The following NDRG2 variants were observed in gnomAD, a reference collection of about 807,000 sequenced individuals.
NDRG2 encodes NDRG family member 2.
In NDRG2, 34 loss-of-function variants were observed where a neutral mutation model predicts 58.2. That is an observed-to-expected ratio of 0.58 (90% CI 0.44 to 0.78). The LOEUF (loss-of-function observed/expected upper bound fraction) is 0.78. NDRG2 is among the 30% of genes least tolerant of loss of function. The pLI, the probability that NDRG2 is intolerant of heterozygous loss-of-function variation, is 0.00. For synonymous variants in NDRG2, 187 were observed against 175.9 expected, an observed-to-expected ratio of 1.06 and a Z score of -0.50; for missense variants, 434 against 471.2, an observed-to-expected ratio of 0.92 and a Z score of 0.73.
In NDRG2 at chr14:21,070,756, C is replaced by T; in HGVS notation, c.24+72G>A. 1 of 1,496,760 alleles carries T rather than the reference C, an allele frequency of 6.7e-7. No individual in the cohort carries two copies. The highest frequency in any genetic ancestry group is 1.2e-5 in the South Asian group (1 of 83,124). 92.7% of individuals were successfully genotyped at this position (1,496,760 alleles called of 1,614,324 possible). On this transcript the variant is annotated intron_variant, in intron 1 of 14. Coordinates refer to the NDRG2 transcript ENST00000403829. This position sits in a 1 kb window ranked among gnomAD's most constrained non-coding sequence, Gnocchi z 4.7. ...CCTCCTGGTCCGAGCTCCTTACCCGCGGGAGACCCCTGCGGGTTGGTCCTG... is the reference window on the plus strand; with the variant it reads ...CCTCCTGGTCCGAGCTCCTTACCCGTGGGAGACCCCTGCGGGTTGGTCCTG...
At chr14:21,030,314 A>G, upstream of NDRG2, 1 of 445,810 alleles carries the variant, frequency 2.2e-6, no homozygotes, top group Non-Finnish European at 4.1e-6. Context: ...GGTACATAAA[A>G]GAGGTAGGGG....
intron 1 of NDRG2, among the ~76,000 whole-genome samples, chr14:21,053,207 G>A (rs892263744): frequency 6.6e-6 from 1 of 152,198 alleles, no homozygotes; most frequent in African/African-American, 2.4e-5. Flanking sequence ...TTATTGCCAG[G>A]TGCATTGGCT....
intron 8 of NDRG2, chr14:21,020,256 T>A: frequency 1.9e-6 from 1 of 538,274 alleles, no homozygotes; most frequent in African/African-American, 2.0e-5. Context: ...ATCAAGCCAC[T>A]GCACTCCAGC....
intron 1 of NDRG2, among the ~76,000 whole-genome samples, chr14:21,046,259 C>T (rs539324211): frequency 6.6e-6 from 1 of 152,300 alleles, no homozygotes; most frequent in South Asian, 2.1e-4. Flanking sequence ...CACAGTGGCT[C>T]TCACTTGTAA....
chr14:21,017,358 G>A lies in NDRG2; in HGVS notation c.*238C>T, dbSNP rs774622556. The A allele has an allele frequency of 7.0e-6, 4 of 570,588 alleles. No homozygotes were observed. Among genetic ancestry groups the A allele is most frequent in the Non-Finnish European group, 9.4e-6 (3 of 320,068 alleles). The allele number at this position is 570,588 out of a possible 1,614,324, so 35.3% of individuals were successfully genotyped here. On this transcript the variant is annotated 3_prime_UTR_variant, in exon 16 of 16. Coordinates refer to ENST00000556147, the MANE Select transcript of NDRG2 (RefSeq NM_001320329.2). ...TCTCCACCTTAACATCAAAATGGGG[G>A]AGGAGGAGAATTTAGGGGTCTGGGT... is the stretch of plus-strand genomic sequence containing the variant.
rs912898141 is a variant in NDRG2 at position 21,024,776 on chromosome 14, T to A, written c.-753A>T. 1.1e-4 allele frequency: 112 copies of A among 985,376 alleles called. No homozygotes were observed. Among genetic ancestry groups the A allele is most frequent in the Non-Finnish European group, 1.1e-4 (93 of 830,050 alleles). The allele number at this position is 985,376 out of a possible 1,614,324, so 61.0% of individuals were successfully genotyped here. A position where few individuals can be genotyped will look rare whatever the true frequency, so the allele number is the denominator to read the frequency against. ...TCCCTACGAGTCCCTACGCAGCCCG[T>A]CCGCGTGGAGACTGACACCCTTGCG... On this transcript the variant is annotated 5_prime_UTR_variant, in exon 1 of 16. Coordinates refer to ENST00000556147, the MANE Select transcript of NDRG2 (RefSeq NM_001320329.2).
intron 1 of NDRG2, among the ~76,000 whole-genome samples, chr14:21,057,156 C>T (rs948622389): frequency 2.0e-5 from 3 of 152,152 alleles, no homozygotes; most frequent in Non-Finnish European, 4.4e-5. Context: ...TTCTCTTAAC[C>T]GGGCGCGGTG....
intron 1 of NDRG2, chr14:21,032,762 A>G (rs1418276920): frequency 2.7e-6 from 1 of 365,264 alleles, no homozygotes; most frequent in Non-Finnish European, 5.3e-6. Flanking sequence ...CAGGATTCCA[A>G]GAGCAGGAGT....
chr14:21,043,437 C>T lies in NDRG2; in HGVS notation c.25-20116G>A, dbSNP rs1409975858. The T allele has an allele frequency of 3.1e-6, 5 of 1,604,294 alleles. No individual in the cohort carries two copies. The East Asian group carries it at 1.1e-4, about 36-fold the overall frequency. ...GGACTCTCAGCAATTCCACCTGGTT[C>T]CTGTACACTTGGACAGAGTCCTTTA... On this transcript the variant is annotated intron_variant, in intron 1 of 14. Transcript: ENST00000403829.
intron 13 of NDRG2, 55 bp downstream of exon 13, chr14:21,018,402 T>G: frequency 6.2e-7 from 1 of 1,611,404 alleles, no homozygotes; most frequent in Non-Finnish European, 8.5e-7. Context: ...GCTTAGCAGC[T>G]GCATGTAGAG....
chr14:21,053,803 T>C (rs2139140932), intron 1 of NDRG2, among the ~76,000 whole-genome samples: 2 of 151,448 alleles, frequency 1.3e-5, no homozygotes, highest in African/African-American at 4.8e-5. Context: ...GACCCTGCCT[T>C]AAAAAAGAAA....
chr14:21,019,914 A>G lies in NDRG2; in HGVS notation c.612+6T>C, dbSNP rs774087789. On this transcript the variant is annotated splice_donor_region_variant and intron_variant, in intron 9 of 15. Coordinates refer to ENST00000556147, the MANE Select transcript of NDRG2 (RefSeq NM_001320329.2). ...CGACTCTTCTACATCTCCTACACCC[A>G]CTTACCTGGCTGAAAAGATGTCCAA... 1.9e-6 allele frequency: 3 copies of G among 1,613,976 alleles called. No homozygotes were observed. In the East Asian group the frequency reaches 6.7e-5, roughly 36 times the overall value.
chr14:21,057,124 A>G lies in NDRG2; in HGVS notation c.24+13704T>C, dbSNP rs113846390. Reference sequence around the variant, plus strand: ...GCAGAGTGGGGTATTGACCTTTCACATGTTTTTCTTCAAGATTTAGTTTCT... The same window carrying G: ...GCAGAGTGGGGTATTGACCTTTCACGTGTTTTTCTTCAAGATTTAGTTTCT... On this transcript the variant is annotated intron_variant, in intron 1 of 14. Transcript: ENST00000403829. 8.0e-4 allele frequency among the ~76,000 whole-genome samples: 122 copies of G among 152,224 alleles called. 1 individual carries two copies. Among genetic ancestry groups the G allele is most frequent in the Non-Finnish European group, 1.6e-3 (106 of 68,018 alleles).
At position 21,058,306 on chromosome 14, in the gene NDRG2, G is replaced by A. The variant is rs560268253; in HGVS notation, c.24+12522C>T. On this transcript the variant is annotated intron_variant, in intron 1 of 14. Coordinates refer to the NDRG2 transcript ENST00000403829. ...TAGTGGCCTGTGACCCTCCACAACA[G>A]GGTGACCCAGGGTACCCACTTGTTC... 20 of 1,613,738 alleles carry A rather than the reference G, an allele frequency of 1.2e-5. No individual in the cohort carries two copies. In the South Asian group the frequency reaches 1.3e-4, roughly 11 times the overall value.
chr14:21,060,797 C>G (rs1167409300), intron 1 of NDRG2, among the ~76,000 whole-genome samples: 1 of 152,198 alleles, frequency 6.6e-6, no homozygotes, highest in Non-Finnish European at 1.5e-5. Flanking sequence ...CTCGATCATT[C>G]AAAGTCCTAA....
At chr14:21,063,672 G>A (rs761275745) in intron 1 of NDRG2, among the ~76,000 whole-genome samples, 17 of 152,200 alleles carry the variant, frequency 1.1e-4, no homozygotes, top group Non-Finnish European at 2.4e-4. Flanking sequence ...TCTGCTGGGG[G>A]TCTGCCAATG....
chr14:21,041,322 A>G (rs865922282), intron 1 of NDRG2, among the ~76,000 whole-genome samples: 5 of 152,144 alleles, frequency 3.3e-5, no homozygotes, highest in East Asian at 3.9e-4. Context: ...TCAGTGATAT[A>G]TCCCAAGTAT....
At chr14:21,061,577 C>T (rs1885963848) in intron 1 of NDRG2, among the ~76,000 whole-genome samples, 1 of 151,602 alleles carries the variant, frequency 6.6e-6, no homozygotes, top group Non-Finnish European at 1.5e-5. Context: ...TGGGTGTGTT[C>T]TCTGGGCCCC....
rs1188375659 is a variant in NDRG2 at position 21,051,315 on chromosome 14, C to A, written c.24+19513G>T. Among the ~76,000 whole-genome samples, 4 of 152,174 alleles carry A rather than the reference C, an allele frequency of 2.6e-5. 1 individual carries two copies. Among genetic ancestry groups the A allele is most frequent in the Admixed American group, 2.6e-4 (4 of 15,278 alleles). On this transcript the variant is annotated intron_variant, in intron 1 of 14. Transcript: ENST00000403829. Reference sequence around the variant, plus strand: ...GAAAATAGACATAGAGCACTTGGAACAGTGACTGGAACATAGAAAAGCCTC... The same window carrying A: ...GAAAATAGACATAGAGCACTTGGAAAAGTGACTGGAACATAGAAAAGCCTC...
Sources: gnomAD v4.1 joint callset for allele counts (sites outside exome capture counted in the v4.1 genomes callset) on GRCh38, gnomAD v4.1.1 for gene constraint, Gnocchi (gnomAD v3.1) non-coding constraint, MANE v1.5 for transcripts, NCBI Gene and HGNC (gene_info 2026-07-23, HGNC 2026-07-21) for gene names.